Variants in TNFSF4 observed in about 807,000 individuals in gnomAD.
TNFSF4 encodes TNF superfamily member 4.
TNFSF4 carries 4 observed loss-of-function variants against 7.3 expected under a neutral mutation model. That is an observed-to-expected ratio of 0.55 (90% CI 0.27 to 1.25). The LOEUF is 1.25. TNFSF4 is among the 50% of genes most tolerant of loss of function. The pLI is 0.12. For missense variants in TNFSF4, 181 were observed against 208.8 expected, an observed-to-expected ratio of 0.87 and a Z score of 0.82; for synonymous variants, 76 against 83.7, an observed-to-expected ratio of 0.91 and a Z score of 0.50.
At chr1:173,314,331 T>C in the TNFSF4 span, among the ~76,000 whole-genome samples, 2 of 152,128 alleles carry the variant, frequency 1.3e-5, no homozygotes, top group African/African-American at 4.8e-5. Flanking sequence ...ATGATTTCTA[T>C]TTTACACCAT....
chr1:173,358,887 G>A, the TNFSF4 span, among the ~76,000 whole-genome samples: 3 of 152,196 alleles, frequency 2.0e-5, no homozygotes. Flanking sequence ...AGTCAGATAG[G>A]TCTTACTTTT....
At chr1:173,387,720 C>G in the TNFSF4 span, among the ~76,000 whole-genome samples, 1 of 151,964 alleles carries the variant, frequency 6.6e-6, no homozygotes, top group Non-Finnish European at 1.5e-5. Context: ...GTTTTTAGAG[C>G]TGAGAAGAAG....
the TNFSF4 span, among the ~76,000 whole-genome samples, chr1:173,318,635 A>C: frequency 1.3e-5 from 2 of 152,244 alleles, no homozygotes; most frequent in African/African-American, 4.8e-5. Flanking sequence ...GAAAAACTTT[A>C]ATGGGAATAC....
At chr1:173,364,352 T>C in the TNFSF4 span, among the ~76,000 whole-genome samples, 1 of 148,646 alleles carries the variant, frequency 6.7e-6, no homozygotes, top group Non-Finnish European at 1.5e-5. Flanking sequence ...TAAATGGATG[T>C]ATGTGTACAT....
At chr1:173,360,559 T>C in the TNFSF4 span, among the ~76,000 whole-genome samples, 1 of 152,218 alleles carries the variant, frequency 6.6e-6, no homozygotes, top group Non-Finnish European at 1.5e-5. Flanking sequence ...CCAACCAGCT[T>C]GTTGCTTTTA....
chr1:173,222,298 T>C, the TNFSF4 span, among the ~76,000 whole-genome samples: 2 of 152,148 alleles, frequency 1.3e-5, no homozygotes, highest in African/African-American at 4.8e-5. Context: ...AAGGAAACAT[T>C]TGAGGCAAAA....
the TNFSF4 span, among the ~76,000 whole-genome samples, chr1:173,331,965 G>A: frequency 6.6e-6 from 1 of 152,080 alleles, no homozygotes; most frequent in African/African-American, 2.4e-5. Flanking sequence ...GGTGCTACTT[G>A]GCATCTAGTA....
chr1:173,244,982 A>T, the TNFSF4 span, among the ~76,000 whole-genome samples: 4 of 151,916 alleles, frequency 2.6e-5, no homozygotes, highest in Admixed American at 6.6e-5. Flanking sequence ...AATTTTATCT[A>T]ATGTGGTCTT....
At chr1:173,339,591 C>A in the TNFSF4 span, among the ~76,000 whole-genome samples, 1 of 152,082 alleles carries the variant, frequency 6.6e-6, no homozygotes, top group Non-Finnish European at 1.5e-5. Flanking sequence ...TCTTCCCTCT[C>A]TTATTCTCTT....
the TNFSF4 span, among the ~76,000 whole-genome samples, chr1:173,342,256 C>T: frequency 6.6e-6 from 1 of 152,090 alleles, no homozygotes; most frequent in Non-Finnish European, 1.5e-5. Flanking sequence ...TGAAATCTGC[C>T]TCTGGAAGGC....
chr1:173,355,422 AGAGAG>A, the TNFSF4 span, among the ~76,000 whole-genome samples: 1 of 152,204 alleles, frequency 6.6e-6, no homozygotes, highest in African/African-American at 2.4e-5. Flanking sequence ...CACTTCTCAC[AGAGAG>A]AAGACGTACA....
At chr1:173,234,366 C>A in the TNFSF4 span, among the ~76,000 whole-genome samples, 2 of 152,162 alleles carry the variant, frequency 1.3e-5, no homozygotes, top group Non-Finnish European at 2.9e-5. Flanking sequence ...TAAACTAGTT[C>A]AACCATTGTG....
the TNFSF4 span, among the ~76,000 whole-genome samples, chr1:173,397,714 T>G: frequency 6.6e-6 from 1 of 152,294 alleles, no homozygotes; most frequent in Non-Finnish European, 1.5e-5. Context: ...AAAGATCAAA[T>G]GGAAGCCATT....
chr1:173,428,493 A>G, the TNFSF4 span, among the ~76,000 whole-genome samples: 1 of 152,232 alleles, frequency 6.6e-6, no homozygotes, highest in African/African-American at 2.4e-5. Context: ...TAAGAGAAAA[A>G]GGAACCAACT....
chr1:173,338,186 C>G, the TNFSF4 span, among the ~76,000 whole-genome samples: 1 of 152,170 alleles, frequency 6.6e-6, no homozygotes, highest in Non-Finnish European at 1.5e-5. Context: ...CAGACAGCTA[C>G]CTGGTGGTAG....
the TNFSF4 span, among the ~76,000 whole-genome samples, chr1:173,422,606 C>A: frequency 6.6e-6 from 1 of 152,068 alleles, no homozygotes; most frequent in African/African-American, 2.4e-5. Flanking sequence ...TCTTACTGAC[C>A]CAGTAACTGC....
At chr1:173,381,232 G>A in the TNFSF4 span, among the ~76,000 whole-genome samples, 105,360 of 150,784 alleles carry the variant, frequency 0.7, 36,870 homozygotes, top group African/African-American at 0.77. Flanking sequence ...CTCCAAAACC[G>A]CCGAGGCCTA....
the TNFSF4 span, among the ~76,000 whole-genome samples, chr1:173,336,525 C>A: frequency 2.0e-5 from 3 of 152,098 alleles, no homozygotes; most frequent in Non-Finnish European, 4.4e-5. Context: ...TAGTTTCAAG[C>A]AGTTTGAGCC....
the TNFSF4 span, among the ~76,000 whole-genome samples, chr1:173,286,064 A>G: frequency 8.5e-5 from 13 of 152,220 alleles, 1 homozygote; most frequent in Non-Finnish European, 1.3e-4. Flanking sequence ...TACACCTAAC[A>G]AAGTAGCTTC....
Sources: allele counts gnomAD v4.1 joint callset (sites outside exome capture counted in the v4.1 genomes callset), GRCh38; gene constraint gnomAD v4.1.1; transcripts MANE v1.5; gene names NCBI Gene and HGNC (gene_info 2026-07-23, HGNC 2026-07-21).